The following PARD3 variants were observed in gnomAD, a reference collection of about 807,000 sequenced individuals.
PARD3 encodes par-3 family cell polarity regulator, also known as partitioning defective 3 homolog.
A neutral mutation model predicts 155.4 loss-of-function variants in PARD3; 75 were observed. The ratio of observed to expected loss-of-function variants is 0.48; its 90% CI spans 0.40 to 0.58. PARD3 has a LOEUF of 0.58. Ranked by LOEUF, PARD3 falls within the 20% of genes least tolerant of loss-of-function variation. PARD3 has a pLI of 0.00. For missense variants in PARD3, 1,642 were observed against 1,721.7 expected, an observed-to-expected ratio of 0.95 and a Z score of 0.82; for synonymous variants, 576 against 610.5, an observed-to-expected ratio of 0.94 and a Z score of 0.83.
At chr10:34,318,418 C>A (rs373821886) in intron 19 of PARD3, among the ~76,000 whole-genome samples, 1 of 152,116 alleles carries the variant, frequency 6.6e-6, no homozygotes, top group Non-Finnish European at 1.5e-5. Context: ...AAGTATAGAT[C>A]ATTATTTCTG....
chr10:34,586,837 T>C (rs557851677), intron 2 of PARD3, among the ~76,000 whole-genome samples: 11 of 152,116 alleles, frequency 7.2e-5, no homozygotes, highest in Admixed American at 4.6e-4. Flanking sequence ...TAATCCCAGC[T>C]ACTCAGGAGG....
chr10:34,298,549 A>T (rs1957014722), intron 20 of PARD3, among the ~76,000 whole-genome samples: 1 of 152,200 alleles, frequency 6.6e-6, no homozygotes, highest in African/African-American at 2.4e-5. Flanking sequence ...AGTCAAACTC[A>T]TAGAGACAGA....
chr10:34,111,235 G>C lies in PARD3; in HGVS notation c.3996C>G (p.Ser1332=). ...TGTTCAGCCTCGCAACCTGAGAAGG[G>C]GAGGGGGGCACATCTTGCCGGAAGG... is the stretch of plus-strand genomic sequence containing the variant. ...KGPFRQDVPP[S]PSQVARLNRL... Residue 1332 remains serine, a synonymous_variant, in exon 25 of 25, where the codon TCC becomes TCG. Transcript: ENST00000374788. 6.2e-7 allele frequency: 1 copy of C among 1,611,438 alleles called. No individual in the cohort carries two copies. Among genetic ancestry groups the C allele is most frequent in the South Asian group, 1.1e-5 (1 of 90,990 alleles).
At chr10:34,566,979 AAGATAACAT>A (rs2086000783) in intron 2 of PARD3, among the ~76,000 whole-genome samples, 1 of 152,210 alleles carries the variant, frequency 6.6e-6, no homozygotes, top group Non-Finnish European at 1.5e-5. Context: ...AGTGTATTTT[AAGATAACAT>A]TTAACTTCTT....
intron 2 of PARD3, among the ~76,000 whole-genome samples, chr10:34,644,985 C>T (rs1026092253): frequency 6.6e-6 from 1 of 152,096 alleles, no homozygotes; most frequent in African/African-American, 2.4e-5. Context: ...TCCTGAATAG[C>T]TGGGACTACA....
chr10:34,384,825 C>T (rs1420642962), intron 7 of PARD3, among the ~76,000 whole-genome samples: 1 of 152,110 alleles, frequency 6.6e-6, no homozygotes, highest in African/African-American at 2.4e-5. Flanking sequence ...TGTCAGGTCT[C>T]CCAAAAGTAA....
At chr10:34,753,286 G>A (rs1836297853) in intron 1 of PARD3, among the ~76,000 whole-genome samples, 1 of 152,204 alleles carries the variant, frequency 6.6e-6, no homozygotes, top group African/African-American at 2.4e-5. Flanking sequence ...GGACACCCTT[G>A]GAGAAGCTGG....
At chr10:34,642,647 TG>T (rs2132961064) in intron 2 of PARD3, among the ~76,000 whole-genome samples, 1 of 152,212 alleles carries the variant, frequency 6.6e-6, no homozygotes, top group East Asian at 1.9e-4. Context: ...TTCCCTTCTC[TG>T]TGGTACCCAT....
At chr10:34,640,168 C>T (rs995373455) in intron 2 of PARD3, among the ~76,000 whole-genome samples, 4 of 152,168 alleles carry the variant, frequency 2.6e-5, no homozygotes, top group East Asian at 1.9e-4. Flanking sequence ...CACAGTGAGG[C>T]CCACAGCAAC....
At chr10:34,570,104 G>T (rs2086269380) in intron 2 of PARD3, among the ~76,000 whole-genome samples, 1 of 152,114 alleles carries the variant, frequency 6.6e-6, no homozygotes, top group African/African-American at 2.4e-5. Flanking sequence ...AGAAGTTTTA[G>T]TTTTGAATTA....
intron 5 of PARD3, among the ~76,000 whole-genome samples, chr10:34,439,917 GA>G (rs995508243): frequency 6.6e-5 from 10 of 150,670 alleles, no homozygotes; most frequent in South Asian, 2.1e-4. Flanking sequence ...TAGAGCACAG[GA>G]AAAAAAAATT....
At chr10:34,332,709 ATTG>A (rs1236627205) in intron 18 of PARD3, among the ~76,000 whole-genome samples, 1 of 152,174 alleles carries the variant, frequency 6.6e-6, no homozygotes, top group Non-Finnish European at 1.5e-5. Context: ...TATTCCACAA[ATTG>A]TTGTGCTGGA....
At chr10:34,744,221 AG>A (rs1835025569) in intron 1 of PARD3, among the ~76,000 whole-genome samples, 1 of 152,230 alleles carries the variant, frequency 6.6e-6, no homozygotes, top group African/African-American at 2.4e-5. Flanking sequence ...AAATGCAACA[AG>A]CCAGACAGTA....
chr10:34,792,585 TTCTCAAGTACACTGTTTTCC>T (rs1841789236), intron 1 of PARD3, among the ~76,000 whole-genome samples: 2 of 152,186 alleles, frequency 1.3e-5, no homozygotes, highest in Admixed American at 1.3e-4. Flanking sequence ...TGCCCTGCAG[TTCTCAAGTACACTGTTTTCC>T]CACAAGGATA....
At position 34,812,948 on chromosome 10, in the gene PARD3, A is replaced by T. The variant is rs112775048; in HGVS notation, c.120+1928T>A. ...CCAAGGCCCTGCACTCTAGCCACCC[A>T]GCATCCCAGAGGCCACCTCTTCTCC... On this transcript the variant is annotated intron_variant, in intron 1 of 24. Coordinates refer to ENST00000374788, the MANE Select transcript of PARD3 (RefSeq NM_001184785.2). Among the ~76,000 whole-genome samples the T allele has an allele frequency of 7.8e-3, 1,181 of 152,254 alleles. 17 individuals carry two copies. The highest frequency in any genetic ancestry group is 0.026 in the African/African-American group (1,101 of 41,560).
chr10:34,662,970 A>C (rs994541642), intron 2 of PARD3, among the ~76,000 whole-genome samples: 1 of 152,052 alleles, frequency 6.6e-6, no homozygotes, highest in Non-Finnish European at 1.5e-5. Flanking sequence ...CATTTGTGGG[A>C]GCTAAAAATT....
chr10:34,666,773 C>A (rs2093480078), intron 2 of PARD3, among the ~76,000 whole-genome samples: 1 of 2,684 alleles, frequency 3.7e-4, no homozygotes, highest in African/African-American at 6.0e-4. Flanking sequence ...CCTACCCCTC[C>A]CCCTAAAAAA....
chr10:34,689,318 C>T (rs1263563478), intron 2 of PARD3, among the ~76,000 whole-genome samples: 3 of 152,278 alleles, frequency 2.0e-5, no homozygotes, highest in Non-Finnish European at 2.9e-5. Context: ...CTGAATAATG[C>T]GTCCAGCCAT....
At chr10:34,461,353 C>T (rs2077638031) in intron 4 of PARD3, among the ~76,000 whole-genome samples, 1 of 152,124 alleles carries the variant, frequency 6.6e-6, no homozygotes, top group African/African-American at 2.4e-5. Flanking sequence ...GCCTGTAATC[C>T]CAGCACTTTG....
Sources: allele counts gnomAD v4.1 joint callset (sites outside exome capture counted in the v4.1 genomes callset), GRCh38; gene constraint gnomAD v4.1.1; transcripts MANE v1.5; gene names NCBI Gene and HGNC (gene_info 2026-07-23, HGNC 2026-07-21).